Variants in RAD51B observed in about 807,000 individuals in gnomAD.
RAD51B encodes RAD51 paralog B.
In RAD51B, 38 loss-of-function variants were observed where a neutral mutation model predicts 42.2. The ratio of observed to expected loss-of-function variants is 0.90; its 90% CI spans 0.70 to 1.18. The LOEUF (loss-of-function observed/expected upper bound fraction) is 1.18. Ranked by LOEUF, RAD51B falls within the 50% of genes most tolerant of loss-of-function variation. The pLI is 0.00. For synonymous variants in RAD51B, 154 were observed against 145.2 expected (o/e 1.06, Z -0.43); for missense variants, 373 against 400.7 (o/e 0.93, Z 0.59).
chr14:68,450,288 T>C (rs1594856210), intron 9 of RAD51B, among the ~76,000 whole-genome samples: 1 of 146,308 alleles, frequency 6.8e-6, no homozygotes, highest in South Asian at 2.2e-4. Context: ...GCACGATCTC[T>C]GCTCACTGCA....
At chr14:68,268,826 C>G (rs2081045057) in intron 7 of RAD51B, among the ~76,000 whole-genome samples, 1 of 152,198 alleles carries the variant, frequency 6.6e-6, no homozygotes, top group South Asian at 2.1e-4. Flanking sequence ...TAAGTACTTA[C>G]TGACTGATAG....
At chr14:68,025,913 G>A (rs2075948626) in intron 7 of RAD51B, among the ~76,000 whole-genome samples, 1 of 151,566 alleles carries the variant, frequency 6.6e-6, no homozygotes, top group African/African-American at 2.4e-5. Context: ...TAGCTTTGAG[G>A]GTGTGTTTTT....
rs1319167284 is a variant in RAD51B at position 68,602,506 on chromosome 14, CTAGATAGATAGCTAGCTAGA to C, written c.1037-8488_1037-8469del. Among the ~76,000 whole-genome samples, 1,197 of 149,012 alleles carry C rather than the reference CTAGATAGATAGCTAGCTAGA, an allele frequency of 8.0e-3. 11 individuals are homozygous for C. Among genetic ancestry groups the C allele is most frequent in the Non-Finnish European group, 0.015 (976 of 66,648 alleles). Reference sequence around the variant, plus strand: ...GGATGGATGATGGATGGATGGATAGCTAGATAGATAGCTAGCTAGATAGATAGATAGATAGATAGATAATA... The same window carrying C: ...GGATGGATGATGGATGGATGGATAGCTAGATAGATAGATAGATAGATAATA... On this transcript the variant is annotated intron_variant, in intron 10 of 10. Transcript: ENST00000487861.
chr14:68,664,571 TGGA>T (rs1207284074), intron 11 of RAD51B, among the ~76,000 whole-genome samples: 1 of 152,210 alleles, frequency 6.6e-6, no homozygotes, highest in Non-Finnish European at 1.5e-5. Context: ...TCTGCCAAGA[TGGA>T]GGAATACAGC....
chr14:68,445,282 T>C (rs1320981535), intron 9 of RAD51B, among the ~76,000 whole-genome samples: 1 of 152,184 alleles, frequency 6.6e-6, no homozygotes, highest in Non-Finnish European at 1.5e-5. Context: ...CTCTTAAACT[T>C]TCTTTCCTTC....
At chr14:68,504,632 T>C (rs1377687932) in intron 10 of RAD51B, among the ~76,000 whole-genome samples, 1 of 150,290 alleles carries the variant, frequency 6.7e-6, no homozygotes, top group South Asian at 2.1e-4. Flanking sequence ...GAAACTTAAA[T>C]TGCAAAGGAG....
chr14:68,672,903 C>G (rs1414293003), intron 11 of RAD51B, among the ~76,000 whole-genome samples: 1 of 152,190 alleles, frequency 6.6e-6, no homozygotes, highest in East Asian at 1.9e-4. Context: ...ATACATCCCC[C>G]TGAAGACAGG....
chr14:68,340,803 A>G (rs2139835315), intron 8 of RAD51B, among the ~76,000 whole-genome samples: 1 of 152,354 alleles, frequency 6.6e-6, no homozygotes, highest in Admixed American at 6.5e-5. Flanking sequence ...CAAGACATCC[A>G]TGACGCTTGG....
intron 7 of RAD51B, among the ~76,000 whole-genome samples, chr14:68,281,291 G>A (rs76639905): frequency 0.069 from 10,509 of 152,176 alleles, 535 homozygotes; most frequent in East Asian, 0.23. Flanking sequence ...ATAAGCCTTG[G>A]TTTTCCTATT....
intron 7 of RAD51B, among the ~76,000 whole-genome samples, chr14:67,956,950 G>A (rs141126816): frequency 6.6e-6 from 1 of 152,304 alleles, no homozygotes; most frequent in African/African-American, 2.4e-5. Flanking sequence ...AATTGTTTTG[G>A]ACAGGCTTGT....
intron 7 of RAD51B, among the ~76,000 whole-genome samples, chr14:68,068,927 C>T (rs1277796779): frequency 6.6e-6 from 1 of 152,128 alleles, no homozygotes. Flanking sequence ...AAACACTTCT[C>T]GATTATTGCA....
intron 9 of RAD51B, among the ~76,000 whole-genome samples, chr14:68,440,163 A>C (rs1234024650): frequency 6.6e-6 from 1 of 152,246 alleles, no homozygotes; most frequent in African/African-American, 2.4e-5. Flanking sequence ...CTAAATCATA[A>C]TAAATGTTGT....
Position 67,879,827 on chromosome 14 carries a change from A to C in RAD51B, c.453-6042A>C, listed in dbSNP as rs1226546152. On this transcript the variant is annotated intron_variant, in intron 5 of 10. Coordinates refer to ENST00000471583, the MANE Select transcript of RAD51B (RefSeq NM_133510.4). Reference sequence around the variant, plus strand: ...ACTGGTTATAGTTGGAAAGGGAGGAATATTTTAATAGTCTCTTCAGATAAT... The same window carrying C: ...ACTGGTTATAGTTGGAAAGGGAGGACTATTTTAATAGTCTCTTCAGATAAT... Among the ~76,000 whole-genome samples the C allele has an allele frequency of 1.3e-5, 2 of 152,204 alleles. 1 individual carries two copies. Among genetic ancestry groups the C allele is most frequent in the East Asian group, 3.8e-4 (2 of 5,196 alleles).
At chr14:68,267,013 T>G (rs1224930748) in intron 7 of RAD51B, among the ~76,000 whole-genome samples, 1 of 152,210 alleles carries the variant, frequency 6.6e-6, no homozygotes, top group Non-Finnish European at 1.5e-5. Flanking sequence ...CTGAATCAGC[T>G]CTAAAGTCGG....
intron 7 of RAD51B, among the ~76,000 whole-genome samples, chr14:67,893,494 ACACACACACAC>A (rs1361554404): frequency 1.8e-4 from 15 of 85,388 alleles, no homozygotes; most frequent in African/African-American, 6.8e-4. Flanking sequence ...ACACACACAC[ACACACACACAC>A]ACACAAAAAA....
chr14:68,309,950 C>T (rs2081936609), intron 8 of RAD51B, among the ~76,000 whole-genome samples: 1 of 152,048 alleles, frequency 6.6e-6, no homozygotes, highest in South Asian at 2.1e-4. Context: ...CTTAGACATA[C>T]TAGGATGGCA....
intron 7 of RAD51B, among the ~76,000 whole-genome samples, chr14:68,028,454 A>G (rs570708763): frequency 6.6e-6 from 1 of 152,220 alleles, no homozygotes; most frequent in South Asian, 2.1e-4. Flanking sequence ...AAACCCACAC[A>G]TCTCACCCCC....
chr14:68,589,274 A>G (rs767036924), intron 10 of RAD51B, among the ~76,000 whole-genome samples: 8 of 152,194 alleles, frequency 5.3e-5, no homozygotes, highest in Non-Finnish European at 8.8e-5. Flanking sequence ...GTTGAAAATT[A>G]CAAACAAGAG....
At chr14:68,618,244 C>T (rs1891866591) in intron 10 of RAD51B, among the ~76,000 whole-genome samples, 1 of 152,178 alleles carries the variant, frequency 6.6e-6, no homozygotes, top group African/African-American at 2.4e-5. Flanking sequence ...GTCTAGATTG[C>T]ATCAATGGGG....
Sources: gnomAD v4.1 joint callset for allele counts (sites outside exome capture counted in the v4.1 genomes callset) on GRCh38, gnomAD v4.1.1 for gene constraint, MANE v1.5 for transcripts, NCBI Gene and HGNC (gene_info 2026-07-23, HGNC 2026-07-21) for gene names.